TENM3: variants seen among roughly 807,000 people sequenced by gnomAD.
TENM3 encodes teneurin-3.
In TENM3, 63 loss-of-function variants were observed where a neutral mutation model predicts 255.1. The ratio of observed to expected loss-of-function variants is 0.25; its 90% CI spans 0.20 to 0.30. The LOEUF is 0.30. TENM3 is among the 10% of genes least tolerant of loss of function. TENM3 has a pLI of 1.00. For missense variants in TENM3, 2,929 were observed against 3,461.1 expected, an observed-to-expected ratio of 0.85 and a Z score of 3.86; for synonymous variants, 1,306 against 1,322.3, an observed-to-expected ratio of 0.99 and a Z score of 0.27.
chr4:182,389,714 C>A (rs1241654969), intron 3 of TENM3, among the ~76,000 whole-genome samples: 1 of 70,684 alleles, frequency 1.4e-5, no homozygotes, highest in Non-Finnish European at 2.9e-5. Flanking sequence ...GAGACGGAGT[C>A]TCGCTCTGTC....
chr4:182,241,518 C>CTTT (rs982739950), upstream of TENM3, among the ~76,000 whole-genome samples: 136 of 114,270 alleles, frequency 1.2e-3, 4 homozygotes, highest in Middle Eastern at 6.0e-3. Flanking sequence ...TTTTTTCTTT[C>CTTT]TTTTTTTTTT....
rs1157448732 is a variant in TENM3, at chr4:182,777,547, C to CTTTTTTTTT, written c.5304+2414_5304+2422dup. Among the ~76,000 whole-genome samples, 51 of 45,474 alleles carry CTTTTTTTTT rather than the reference C, an allele frequency of 1.1e-3. 7 individuals carry two copies. Among genetic ancestry groups the CTTTTTTTTT allele is most frequent in the African/African-American group, 1.9e-3 (22 of 11,576 alleles). 29.8% of individuals were successfully genotyped at this position (45,474 alleles called of 152,430 possible). ...TGTGTGTGTGTGTGTGTGTGTATTT[C>CTTTTTTTTT]TTTTTTTTTTTTTTTTTTTTTTTTT... On this transcript the variant is annotated intron_variant, in intron 24 of 27. Transcript: ENST00000511685.
At chr4:181,862,194 A>G in the TENM3 span, among the ~76,000 whole-genome samples, 1 of 152,070 alleles carries the variant, frequency 6.6e-6, no homozygotes, top group African/African-American at 2.4e-5. Flanking sequence ...GGAGCAGGAT[A>G]ATGTCTTTTA....
At chr4:181,492,352 AT>A in the TENM3 span, among the ~76,000 whole-genome samples, 1 of 152,230 alleles carries the variant, frequency 6.6e-6, no homozygotes, top group Non-Finnish European at 1.5e-5. Flanking sequence ...AATTCAGTTC[AT>A]CTCTTTTTAA....
At chr4:181,746,148 C>A in the TENM3 span, among the ~76,000 whole-genome samples, 3 of 151,854 alleles carry the variant, frequency 2.0e-5, no homozygotes, top group Admixed American at 1.3e-4. Context: ...AGGGAAGGAG[C>A]TGGAACTGAA....
intron 3 of TENM3, among the ~76,000 whole-genome samples, chr4:182,525,940 C>T (rs1299659313): frequency 6.6e-6 from 1 of 152,328 alleles, no homozygotes; most frequent in Non-Finnish European, 1.5e-5. Flanking sequence ...ATGCCTGACA[C>T]AGGTTTTCCT....
chr4:182,591,375 A>G (rs529116762), intron 3 of TENM3, among the ~76,000 whole-genome samples: 23 of 152,222 alleles, frequency 1.5e-4, no homozygotes, highest in Non-Finnish European at 3.2e-4. Flanking sequence ...GAATCACTTC[A>G]TCTGTGTTCA....
At chr4:182,002,813 G>A in the TENM3 span, among the ~76,000 whole-genome samples, 5 of 152,182 alleles carry the variant, frequency 3.3e-5, no homozygotes, top group Non-Finnish European at 1.5e-5. Context: ...AAGAAGACCT[G>A]CATTCACATC....
the TENM3 span, among the ~76,000 whole-genome samples, chr4:181,467,744 G>A: frequency 2.0e-5 from 3 of 152,024 alleles, no homozygotes; most frequent in Admixed American, 2.0e-4. Context: ...AAGCAGCTGA[G>A]GACTAATTAG....
chr4:182,739,097 A>G (rs972429868), intron 18 of TENM3, among the ~76,000 whole-genome samples: 1 of 152,118 alleles, frequency 6.6e-6, no homozygotes, highest in Non-Finnish European at 1.5e-5. Context: ...CTGCCACTCA[A>G]ATGGGGTCAC....
chr4:182,353,148 C>G (rs2150717367), intron 3 of TENM3, among the ~76,000 whole-genome samples: 1 of 152,236 alleles, frequency 6.6e-6, no homozygotes, highest in Admixed American at 6.5e-5. Flanking sequence ...GAGAGGTGTA[C>G]TTTTTCACCT....
At chr4:182,613,052 C>G (rs780200106) in intron 4 of TENM3, among the ~76,000 whole-genome samples, 2 of 152,250 alleles carry the variant, frequency 1.3e-5, no homozygotes, top group Non-Finnish European at 2.9e-5. Flanking sequence ...GCTTATACTT[C>G]CTTTCTTGTG....
chr4:181,542,668 T>A, the TENM3 span, among the ~76,000 whole-genome samples: 1 of 152,168 alleles, frequency 6.6e-6, no homozygotes, highest in Non-Finnish European at 1.5e-5. Context: ...TATGAAAAAA[T>A]TTAGATTAAC....
At chr4:182,409,307 T>C (rs1364693321) in intron 3 of TENM3, among the ~76,000 whole-genome samples, 2 of 152,180 alleles carry the variant, frequency 1.3e-5, no homozygotes, top group Non-Finnish European at 2.9e-5. Context: ...CCTAGAAAAA[T>C]GAGAAATGCA....
At chr4:182,489,461 T>C (rs1438059115) in intron 3 of TENM3, among the ~76,000 whole-genome samples, 1 of 152,142 alleles carries the variant, frequency 6.6e-6, no homozygotes, top group East Asian at 1.9e-4. Context: ...AATTAAATAT[T>C]CAGGGTTTGT....
chr4:182,669,568 C>T (rs1579063546), intron 6 of TENM3, among the ~76,000 whole-genome samples: 1 of 152,152 alleles, frequency 6.6e-6, no homozygotes, highest in South Asian at 2.1e-4. Flanking sequence ...CCACACCCGG[C>T]CTTCCATGTC....
At chr4:182,297,687 C>T (rs4862037) in intron 1 of TENM3, among the ~76,000 whole-genome samples, 2 of 152,160 alleles carry the variant, frequency 1.3e-5, no homozygotes, top group African/African-American at 4.8e-5. Flanking sequence ...GTGTTTTTCA[C>T]GGTCTTTTAG....
At chr4:182,739,447 C>G (rs1338736776) in intron 18 of TENM3, among the ~76,000 whole-genome samples, 9 of 152,158 alleles carry the variant, frequency 5.9e-5, no homozygotes, top group Non-Finnish European at 1.2e-4. Flanking sequence ...GCATCCTGTC[C>G]TACACCATAT....
intron 4 of TENM3, among the ~76,000 whole-genome samples, chr4:182,627,843 C>G (rs148616107): frequency 6.6e-6 from 1 of 152,072 alleles, no homozygotes; most frequent in East Asian, 1.9e-4. Flanking sequence ...TAAACATTGT[C>G]AAGGAAGACA....
Sources: allele counts gnomAD v4.1 joint callset (sites outside exome capture counted in the v4.1 genomes callset), GRCh38; gene constraint gnomAD v4.1.1; transcripts MANE v1.5; gene names NCBI Gene and HGNC (gene_info 2026-07-23, HGNC 2026-07-21).